The following DAB1 variants were observed in gnomAD, a reference collection of about 807,000 sequenced individuals.
The protein encoded by DAB1 is disabled homolog 1.
In DAB1, 15 loss-of-function variants were observed where a neutral mutation model predicts 64.6. The ratio of observed to expected loss-of-function variants is 0.23; its 90% CI spans 0.16 to 0.36. The LOEUF is 0.36. Ranked by LOEUF, DAB1 falls within the 10% of genes least tolerant of loss-of-function variation. DAB1 has a pLI of 1.00. For missense variants in DAB1, 596 were observed against 706.7 expected, an observed-to-expected ratio of 0.84 and a Z score of 1.78; for synonymous variants, 235 against 251.9, an observed-to-expected ratio of 0.93 and a Z score of 0.64.
intron 7 of DAB1, among the ~76,000 whole-genome samples, chr1:57,429,131 T>C (rs1303537272): frequency 6.6e-6 from 1 of 152,132 alleles, no homozygotes; most frequent in Non-Finnish European, 1.5e-5. Context: ...TTCACGCTGA[T>C]TTTCAACTTT....
intron 5 of DAB1, among the ~76,000 whole-genome samples, chr1:57,986,082 G>A (rs1214019591): frequency 6.6e-6 from 1 of 152,108 alleles, no homozygotes; most frequent in Non-Finnish European, 1.5e-5. Context: ...TTGACACAGA[G>A]GCCAGTATAG....
At chr1:57,507,529 T>A (rs1214221082) in intron 7 of DAB1, among the ~76,000 whole-genome samples, 1 of 152,184 alleles carries the variant, frequency 6.6e-6, no homozygotes, top group African/African-American at 2.4e-5. Context: ...ATTGGCTCTA[T>A]CAGTCTTGAC....
intron 4 of DAB1, among the ~76,000 whole-genome samples, chr1:58,298,121 T>G (rs1662035158): frequency 6.6e-6 from 1 of 152,248 alleles, no homozygotes; most frequent in African/African-American, 2.4e-5. Context: ...CTGGATACTT[T>G]GTATCTTTGC....
intron 9 of DAB1, among the ~76,000 whole-genome samples, chr1:57,044,375 G>A (rs983238118): frequency 3.9e-5 from 6 of 152,206 alleles, no homozygotes. Flanking sequence ...CTTGAGCAGA[G>A]CAATGCATAA....
At chr1:57,661,748 C>A (rs982340426) in intron 6 of DAB1, among the ~76,000 whole-genome samples, 1 of 151,986 alleles carries the variant, frequency 6.6e-6, no homozygotes, top group African/African-American at 2.4e-5. Context: ...AATATAAATC[C>A]TATGTAAATA....
At chr1:57,920,786 A>G (rs1404018797) in intron 5 of DAB1, among the ~76,000 whole-genome samples, 1 of 152,228 alleles carries the variant, frequency 6.6e-6, no homozygotes. Flanking sequence ...CATCATTAGT[A>G]TCACTGTTAT....
chr1:58,142,267 A>G (rs1375984945), intron 5 of DAB1, among the ~76,000 whole-genome samples: 4 of 152,220 alleles, frequency 2.6e-5, no homozygotes, highest in Non-Finnish European at 5.9e-5. Context: ...TCAGACAAGG[A>G]TGGAACAGGA....
intron 4 of DAB1, among the ~76,000 whole-genome samples, chr1:58,226,410 C>T (rs892520536): frequency 6.7e-6 from 1 of 149,588 alleles, no homozygotes; most frequent in Non-Finnish European, 1.5e-5. Flanking sequence ...AAAAAAAAAA[C>T]TCAGAGAGGT....
intron 1 of DAB1, among the ~76,000 whole-genome samples, chr1:57,396,640 C>A (rs557857505): frequency 3.3e-4 from 50 of 152,146 alleles, no homozygotes; most frequent in Admixed American, 8.5e-4. Context: ...GGTTCAAACC[C>A]TGGTTCTGCC....
intron 9 of DAB1, among the ~76,000 whole-genome samples, chr1:57,055,140 G>C (rs1223089228): frequency 6.6e-6 from 1 of 152,212 alleles, no homozygotes; most frequent in African/African-American, 2.4e-5. Flanking sequence ...ACATAAAAAT[G>C]TACCTATGTG....
chr1:58,316,704 A>T (rs1662565836), intron 4 of DAB1, among the ~76,000 whole-genome samples: 1 of 152,176 alleles, frequency 6.6e-6, no homozygotes, highest in African/African-American at 2.4e-5. Flanking sequence ...TAGCACCTGG[A>T]CCACAGCAGC....
At chr1:58,117,249 T>G (rs1405159208) in intron 5 of DAB1, among the ~76,000 whole-genome samples, 1 of 152,216 alleles carries the variant, frequency 6.6e-6, no homozygotes, top group Non-Finnish European at 1.5e-5. Context: ...TACTAGTAAG[T>G]TACTTATGCA....
At chr1:57,833,654 G>GATTTATTTT (rs1652687362) in intron 1 of DAB1, among the ~76,000 whole-genome samples, 1 of 152,220 alleles carries the variant, frequency 6.6e-6, no homozygotes, top group Non-Finnish European at 1.5e-5. Context: ...AAAATAGTTG[G>GATTTATTTT]TGAATTGAGG....
chr1:57,553,171 G>C (rs1156955934), intron 7 of DAB1, among the ~76,000 whole-genome samples: 1 of 151,694 alleles, frequency 6.6e-6, no homozygotes, highest in Non-Finnish European at 1.5e-5. Context: ...ATCTGGGGTT[G>C]TCCAGCATAT....
chr1:57,199,157 GGTGA>G (rs1664887853), intron 2 of DAB1, among the ~76,000 whole-genome samples: 1 of 152,190 alleles, frequency 6.6e-6, no homozygotes, highest in Non-Finnish European at 1.5e-5. Flanking sequence ...TGAAGGCTCT[GGTGA>G]GTGTCTTTGT....
intron 4 of DAB1, among the ~76,000 whole-genome samples, chr1:58,314,158 G>A (rs1662497983): frequency 1.3e-5 from 2 of 152,026 alleles, no homozygotes; most frequent in Non-Finnish European, 2.9e-5. Context: ...TGTGTTTAGG[G>A]CAATATCTTT....
intron 4 of DAB1, among the ~76,000 whole-genome samples, chr1:58,307,372 A>G (rs1662331564): frequency 6.6e-6 from 1 of 152,130 alleles, no homozygotes; most frequent in Non-Finnish European, 1.5e-5. Flanking sequence ...GTGAAAACGG[A>G]GAGGTGAGAG....
rs769524523 is a variant in DAB1, at chr1:56,998,056, G to A, written c.*88C>T. 168 of 152,686 alleles carry A rather than the reference G, an allele frequency of 1.1e-3. No homozygotes were observed. Among genetic ancestry groups the A allele is most frequent in the Non-Finnish European group, 9.1e-4 (62 of 68,036 alleles). The allele number at this position is 152,686 out of a possible 1,614,324, so 9.5% of individuals were successfully genotyped here. A position where few individuals can be genotyped will look rare whatever the true frequency, so the allele number is the denominator to read the frequency against. On this transcript the variant is annotated 3_prime_UTR_variant, in exon 15 of 15. Transcript: ENST00000371236. ...TGATGCTGATGTCCATGCCAGTCTT[G>A]AGCACCCACCACGAGCTCGCATCGA...
At chr1:57,634,926 T>C (rs372749117) in intron 7 of DAB1, among the ~76,000 whole-genome samples, 1 of 152,138 alleles carries the variant, frequency 6.6e-6, no homozygotes, top group African/African-American at 2.4e-5. Flanking sequence ...AAATAGCCAA[T>C]AAATGGCATT....
Sources: gnomAD v4.1 joint callset for allele counts (sites outside exome capture counted in the v4.1 genomes callset) on GRCh38, gnomAD v4.1.1 for gene constraint, MANE v1.5 for transcripts, NCBI Gene and HGNC (gene_info 2026-07-23, HGNC 2026-07-21) for gene names.